The following STARD13 variants were observed in gnomAD, a reference collection of about 807,000 sequenced individuals.
STARD13 encodes stAR-related lipid transfer protein 13.
A neutral mutation model predicts 106.4 loss-of-function variants in STARD13; 62 were observed. That is an observed-to-expected ratio of 0.58 (90% CI 0.48 to 0.72). The LOEUF is 0.72. Among genes scored for constraint, STARD13 ranks in the 30% least tolerant of loss-of-function variants. STARD13 has a pLI of 0.00. For missense variants in STARD13, 1,387 were observed against 1,424.0 expected (o/e 0.97, Z 0.42); for synonymous variants, 565 against 553.0 (o/e 1.02, Z -0.31).
chr13:33,405,056 C>T, the STARD13 span, among the ~76,000 whole-genome samples: 6 of 152,280 alleles, frequency 3.9e-5, no homozygotes, highest in South Asian at 4.1e-4. Context: ...GGATTACAGG[C>T]GTGAGCCACC....
At chr13:33,593,088 G>A in the STARD13 span, among the ~76,000 whole-genome samples, 1 of 152,230 alleles carries the variant, frequency 6.6e-6, no homozygotes, top group Non-Finnish European at 1.5e-5. Context: ...TCTGATACAT[G>A]TGCCTCTATG....
chr13:33,408,173 T>C, the STARD13 span, among the ~76,000 whole-genome samples: 1 of 152,160 alleles, frequency 6.6e-6, no homozygotes, highest in African/African-American at 2.4e-5. Context: ...ACGCATAACA[T>C]AAAATTGACC....
At chr13:33,305,503 C>T (rs552303745) in intron 1 of STARD13, among the ~76,000 whole-genome samples, 30 of 152,304 alleles carry the variant, frequency 2.0e-4, no homozygotes, top group South Asian at 1.5e-3. Flanking sequence ...GTGCTATGAA[C>T]TATACTAAAT....
At chr13:33,188,895 A>C (rs974296721) in intron 1 of STARD13, among the ~76,000 whole-genome samples, 1 of 152,306 alleles carries the variant, frequency 6.6e-6, no homozygotes, top group Middle Eastern at 3.4e-3. Flanking sequence ...AAACCCATGA[A>C]ATCCCTTAGA....
chr13:33,129,802 T>G lies in STARD13; in HGVS notation c.875A>C (p.Gln292Pro), dbSNP rs1243042458. The G allele has an allele frequency of 6.2e-7, 1 of 1,613,622 alleles. No homozygotes were observed. The highest frequency in any genetic ancestry group is 1.3e-5 in the African/African-American group (1 of 74,934). Residue 292 changes from glutamine to proline, a missense_variant, in exon 5 of 14, where the codon CAG (glutamine) becomes CCG (proline). Gln to Pro is a moderately conservative substitution (Grantham distance 76). Coordinates refer to ENST00000336934, the MANE Select transcript of STARD13 (RefSeq NM_178006.4). ...GGLVISGPML[Q>P]QEPESFKAMQ... ...AGCCTTAAAGGACTCTGGCTCCTGC[T>G]GCAACATGGGCCCACTGATCACCAG...
At chr13:33,328,670 T>C (rs2077803452) in intron 1 of STARD13, among the ~76,000 whole-genome samples, 1 of 152,240 alleles carries the variant, frequency 6.6e-6, no homozygotes, top group Non-Finnish European at 1.5e-5. Flanking sequence ...AATTCCTTTG[T>C]GGTCTTATAA....
chr13:33,547,284 A>T, the STARD13 span, among the ~76,000 whole-genome samples: 4 of 152,204 alleles, frequency 2.6e-5, no homozygotes, highest in African/African-American at 9.7e-5. Context: ...GCCAGGTGAA[A>T]TTTGATCCCT....
At chr13:33,137,135 A>G (rs1426411867) in intron 4 of STARD13, among the ~76,000 whole-genome samples, 4 of 152,256 alleles carry the variant, frequency 2.6e-5, no homozygotes, top group Non-Finnish European at 4.4e-5. Context: ...ATAATTTGTT[A>G]AAATTAATAT....
intron 1 of STARD13, among the ~76,000 whole-genome samples, chr13:33,339,879 G>A (rs1322084597): frequency 2.6e-5 from 4 of 151,642 alleles, no homozygotes; most frequent in African/African-American, 7.3e-5. Context: ...GAAGTCAGGA[G>A]TTCAAGACCA....
chr13:33,274,254 G>A (rs565852644), intron 1 of STARD13, among the ~76,000 whole-genome samples: 1 of 152,250 alleles, frequency 6.6e-6, no homozygotes, highest in South Asian at 2.1e-4. Flanking sequence ...AGGTCATTAA[G>A]ATAAAAGTAG....
chr13:33,380,724 A>G, the STARD13 span, among the ~76,000 whole-genome samples: 1 of 150,698 alleles, frequency 6.6e-6, no homozygotes, highest in African/African-American at 2.5e-5. Flanking sequence ...ACCTTGAAGA[A>G]CAAACAGGCA....
chr13:33,162,970 T>C lies in STARD13; in HGVS notation c.323+2367A>G, dbSNP rs1359923630. Reference sequence around the variant, plus strand: ...CATTTTCACACTGCTGATAAAGACATACCCAAGACTGGGAAGAAAAAGAGG... The same window carrying C: ...CATTTTCACACTGCTGATAAAGACACACCCAAGACTGGGAAGAAAAAGAGG... On this transcript the variant is annotated intron_variant, in intron 3 of 13. Coordinates refer to ENST00000336934, the MANE Select transcript of STARD13 (RefSeq NM_178006.4). Among the ~76,000 whole-genome samples, 5 of 152,168 alleles carry C rather than the reference T, an allele frequency of 3.3e-5. No individual in the cohort carries two copies. In the East Asian group the frequency reaches 7.7e-4, roughly 23 times the overall value.
chr13:33,492,756 C>G, the STARD13 span, among the ~76,000 whole-genome samples: 1 of 152,212 alleles, frequency 6.6e-6, no homozygotes, highest in Admixed American at 6.5e-5. Flanking sequence ...TGGGGCTGCT[C>G]TGTCTATGGA....
chr13:33,536,810 A>G, the STARD13 span, among the ~76,000 whole-genome samples: 1 of 152,200 alleles, frequency 6.6e-6, no homozygotes, highest in Non-Finnish European at 1.5e-5. Context: ...CTATACTCCA[A>G]TCTCTGTAAA....
At chr13:33,642,549 G>T in the STARD13 span, among the ~76,000 whole-genome samples, 1 of 152,010 alleles carries the variant, frequency 6.6e-6, no homozygotes, top group Non-Finnish European at 1.5e-5. Flanking sequence ...CATTCCAAGG[G>T]GTGACTCCCA....
chr13:33,400,753 G>A, the STARD13 span, among the ~76,000 whole-genome samples: 350 of 152,150 alleles, frequency 2.3e-3, 5 homozygotes, highest in African/African-American at 7.5e-3. Context: ...GTGAACCACC[G>A]CACCCAGCCC....
chr13:33,597,721 G>A, the STARD13 span, among the ~76,000 whole-genome samples: 2 of 151,884 alleles, frequency 1.3e-5, no homozygotes, highest in East Asian at 3.9e-4. Flanking sequence ...CGGGCATGGG[G>A]CACATGCCTG....
the STARD13 span, among the ~76,000 whole-genome samples, chr13:33,603,259 G>T: frequency 2.0e-5 from 3 of 152,136 alleles, no homozygotes; most frequent in Admixed American, 2.0e-4. Context: ...CAGGGAGATG[G>T]ATTTAAGAGT....
intron 1 of STARD13, among the ~76,000 whole-genome samples, chr13:33,228,476 T>G (rs1335605085): frequency 6.6e-6 from 1 of 152,092 alleles, no homozygotes; most frequent in Non-Finnish European, 1.5e-5. Flanking sequence ...GCTCCTGTTA[T>G]AAAACAGAGA....
Sources: gnomAD v4.1 joint callset for allele counts (sites outside exome capture counted in the v4.1 genomes callset) on GRCh38, gnomAD v4.1.1 for gene constraint, MANE v1.5 for transcripts, NCBI Gene and HGNC (gene_info 2026-07-23, HGNC 2026-07-21) for gene names.